Variants in SEMA3C observed in about 807,000 individuals in gnomAD.
The protein encoded by SEMA3C is semaphorin 3C, also known as semaphorin-3C.
In SEMA3C, 47 loss-of-function variants were observed where a neutral mutation model predicts 89.4. The observed-to-expected ratio is 0.53, with a 90% CI of 0.42 to 0.67. The LOEUF (loss-of-function observed/expected upper bound fraction) is 0.67, where lower values mean the gene tolerates loss of function less well. Among genes scored for constraint, SEMA3C ranks in the 30% least tolerant of loss-of-function variants. The probability of loss-of-function intolerance (pLI) is 0.00; values close to 1 mark genes in which losing one functional copy is unlikely to be tolerated. For synonymous variants in SEMA3C, 310 were observed against 320.2 expected (o/e 0.97, Z 0.34); for missense variants, 839 against 929.1 (o/e 0.90, Z 1.26).
At chr7:80,815,197 T>C (rs766985331) in intron 5 of SEMA3C, among the ~76,000 whole-genome samples, 7 of 152,036 alleles carry the variant, frequency 4.6e-5, no homozygotes, top group Non-Finnish European at 7.4e-5. Context: ...AAAGTAGGCA[T>C]AGCAAAGTGT....
chr7:80,835,667 T>C (rs144567025), intron 2 of SEMA3C, among the ~76,000 whole-genome samples: 18 of 152,190 alleles, frequency 1.2e-4, no homozygotes, highest in African/African-American at 3.6e-4. Flanking sequence ...ACAAAGACAA[T>C]AGAGACCAGA....
At chr7:80,788,987 A>G (rs71555074) in intron 12 of SEMA3C, among the ~76,000 whole-genome samples, 17 of 152,162 alleles carry the variant, frequency 1.1e-4, no homozygotes, top group Non-Finnish European at 2.2e-4. Context: ...GTTTGGATGG[A>G]AAGTGCAGCA....
intron 2 of SEMA3C, among the ~76,000 whole-genome samples, chr7:80,911,388 C>T (rs567671765): frequency 3.3e-5 from 5 of 152,044 alleles, no homozygotes; most frequent in African/African-American, 4.8e-5. Flanking sequence ...AGGAAGAATG[C>T]GAAAATGTAT....
chr7:80,848,851 C>T (rs986520647), intron 2 of SEMA3C, among the ~76,000 whole-genome samples: 1 of 152,004 alleles, frequency 6.6e-6, no homozygotes, highest in South Asian at 2.1e-4. Context: ...TTTTATTTTT[C>T]AATTTACGGT....
At chr7:80,769,956 C>T (rs1788393352) in intron 12 of SEMA3C, among the ~76,000 whole-genome samples, 1 of 149,220 alleles carries the variant, frequency 6.7e-6, no homozygotes, top group Non-Finnish European at 1.5e-5. Flanking sequence ...AGTCATTTCT[C>T]TTTTCCTTTG....
chr7:80,865,510 G>A (rs565917060), intron 2 of SEMA3C, among the ~76,000 whole-genome samples: 11 of 152,010 alleles, frequency 7.2e-5, no homozygotes, highest in South Asian at 4.1e-4. Context: ...TATCAAGTCC[G>A]GGTGCGGTGG....
At chr7:80,919,159 A>G (rs1792352499), upstream of SEMA3C, 1 of 984,424 alleles carries the variant, frequency 1.0e-6, no homozygotes, top group African/African-American at 1.8e-5. Flanking sequence ...GGCTCGCATC[A>G]CCACCGCGCA....
chr7:80,875,633 G>C (rs767814691), intron 2 of SEMA3C, among the ~76,000 whole-genome samples: 3 of 151,972 alleles, frequency 2.0e-5, no homozygotes, highest in Non-Finnish European at 4.4e-5. Flanking sequence ...CATCACACTA[G>C]GGAAACATGC....
intron 2 of SEMA3C, among the ~76,000 whole-genome samples, chr7:80,900,137 G>A (rs376662885): frequency 8.0e-5 from 12 of 150,526 alleles, no homozygotes; most frequent in African/African-American, 1.7e-4. Flanking sequence ...TCTTTGAGAC[G>A]GAGTCTCGCT....
At chr7:80,850,377 C>A (rs908867252) in intron 2 of SEMA3C, among the ~76,000 whole-genome samples, 4 of 152,060 alleles carry the variant, frequency 2.6e-5, no homozygotes, top group Non-Finnish European at 5.9e-5. Context: ...GTATGAATGT[C>A]CATCAACAGG....
At chr7:80,887,848 A>T (rs1002372) in intron 2 of SEMA3C, among the ~76,000 whole-genome samples, 8,375 of 152,212 alleles carry the variant, frequency 0.055, 624 homozygotes, top group African/African-American at 0.16. Context: ...AGAGGCTTTT[A>T]AAATATTGAT....
chr7:80,913,718 T>A (rs1323753477), intron 2 of SEMA3C, among the ~76,000 whole-genome samples: 1 of 152,214 alleles, frequency 6.6e-6, no homozygotes, highest in African/African-American at 2.4e-5. Context: ...CAAATGTAAC[T>A]AATTAATAAC....
At chr7:80,841,229 C>A (rs991368840) in intron 2 of SEMA3C, among the ~76,000 whole-genome samples, 3 of 152,072 alleles carry the variant, frequency 2.0e-5, no homozygotes, top group Non-Finnish European at 2.9e-5. Context: ...ATGAAGAGTT[C>A]TTGAGAGCAA....
chr7:80,802,411 C>A (rs182682641), intron 9 of SEMA3C, among the ~76,000 whole-genome samples: 12 of 152,024 alleles, frequency 7.9e-5, no homozygotes, highest in Admixed American at 7.9e-4. Flanking sequence ...ACAAGTTACA[C>A]CCCCAAACAC....
intron 2 of SEMA3C, among the ~76,000 whole-genome samples, chr7:80,898,072 C>A (rs983626037): frequency 1.3e-5 from 2 of 151,870 alleles, no homozygotes; most frequent in Non-Finnish European, 2.9e-5. Context: ...GATTAAAAAA[C>A]AGAAAAATAA....
chr7:80,868,817 A>G (rs902520098), intron 2 of SEMA3C, among the ~76,000 whole-genome samples: 1 of 152,170 alleles, frequency 6.6e-6, no homozygotes, highest in East Asian at 1.9e-4. Flanking sequence ...AGGATATACC[A>G]GGTGTCATGA....
At chr7:80,838,737 CAAGAGA>C (rs1790195340) in intron 2 of SEMA3C, among the ~76,000 whole-genome samples, 1 of 152,068 alleles carries the variant, frequency 6.6e-6, no homozygotes, top group African/African-American at 2.4e-5. Context: ...TACATGGTGG[CAAGAGA>C]AAGAGAAAGA....
At chr7:80,916,948 AG>A in intron 1 of SEMA3C, 129 bp from the exon 2 acceptor site, 1 of 647,544 alleles carries the variant, frequency 1.5e-6, no homozygotes, top group Non-Finnish European at 2.5e-6. Context: ...TGCAAACAGT[AG>A]GAGGTGCTGT....
chr7:80,807,597 A>T (rs1789372276), intron 6 of SEMA3C, among the ~76,000 whole-genome samples: 1 of 151,492 alleles, frequency 6.6e-6, no homozygotes, highest in Non-Finnish European at 1.5e-5. Context: ...TTGCTTTCCA[A>T]CTGTATTTCT....
Sources: gnomAD v4.1 joint callset for allele counts (sites outside exome capture counted in the v4.1 genomes callset) on GRCh38, gnomAD v4.1.1 for gene constraint, MANE v1.5 for transcripts, NCBI Gene and HGNC (gene_info 2026-07-23, HGNC 2026-07-21) for gene names.